The following EYS variants were observed in gnomAD, a reference collection of about 807,000 sequenced individuals.
EYS encodes the protein EGF-like photoreceptor maintenance factor.
Under a neutral mutation model 282.1 loss-of-function variants are expected in EYS, and 250 were observed. That is an observed-to-expected ratio of 0.89 (90% CI 0.80 to 0.98). The LOEUF is 0.98. Among genes scored for constraint, EYS ranks in the 50% least tolerant of loss-of-function variants. EYS has a pLI of 0.00. For missense variants in EYS, 4,016 were observed against 3,709.0 expected, an observed-to-expected ratio of 1.08 and a Z score of -2.15; for synonymous variants, 1,355 against 1,282.9, an observed-to-expected ratio of 1.06 and a Z score of -1.20.
intron 37 of EYS, among the ~76,000 whole-genome samples, chr6:63,799,968 C>T (rs1770744589): frequency 6.6e-6 from 1 of 152,174 alleles, no homozygotes; most frequent in South Asian, 2.1e-4. Flanking sequence ...GTTGTTTATG[C>T]ACTGTTGGAG....
chr6:64,758,016 T>C (rs781126929), intron 22 of EYS, among the ~76,000 whole-genome samples: 3 of 152,116 alleles, frequency 2.0e-5, no homozygotes, highest in Non-Finnish European at 4.4e-5. Flanking sequence ...CCTCCTGATC[T>C]GCCCGCCTCG....
chr6:64,230,841 G>A lies in EYS; in HGVS notation c.6192-17C>T. ...CCCTGGGATCTGTGATTTATAAACA[G>A]ACAAGAAAACAAAATATAAGTAAAA... On this transcript the variant is annotated splice_polypyrimidine_tract_variant and intron_variant, in intron 30 of 42. Coordinates refer to ENST00000503581, the MANE Select transcript of EYS (RefSeq NM_001142800.2). 2.1e-6 allele frequency: 3 copies of A among 1,448,060 alleles called. No homozygotes were observed. The highest frequency in any genetic ancestry group is 2.8e-6 in the Non-Finnish European group (3 of 1,065,748). 89.7% of individuals were successfully genotyped at this position (1,448,060 alleles called of 1,614,324 possible).
intron 26 of EYS, among the ~76,000 whole-genome samples, chr6:64,507,722 G>T (rs1422379538): frequency 6.7e-6 from 1 of 150,198 alleles, no homozygotes; most frequent in Non-Finnish European, 1.5e-5. Flanking sequence ...GAGGGAGGAA[G>T]AGATCCCACT....
At chr6:63,861,245 G>C (rs1456941059) in intron 36 of EYS, among the ~76,000 whole-genome samples, 4 of 152,258 alleles carry the variant, frequency 2.6e-5, no homozygotes, top group Non-Finnish European at 4.4e-5. Flanking sequence ...TTCAGACAAA[G>C]AAAACCTGAT....
chr6:65,450,526 T>C (rs1490714809), intron 5 of EYS, among the ~76,000 whole-genome samples: 1 of 152,160 alleles, frequency 6.6e-6, no homozygotes, highest in African/African-American at 2.4e-5. Flanking sequence ...GAAACTTAGC[T>C]GACCCAGTGA....
intron 5 of EYS, chr6:65,490,337 A>C (rs1224659995): frequency 3.4e-6 from 1 of 296,926 alleles, no homozygotes; most frequent in Non-Finnish European, 6.3e-6. Context: ...CTGAAGAAAG[A>C]TGTAAGTAAT....
chr6:64,410,521 A>G (rs1773854812), intron 28 of EYS, among the ~76,000 whole-genome samples: 1 of 152,166 alleles, frequency 6.6e-6, no homozygotes, highest in African/African-American at 2.4e-5. Context: ...AGACAATCTT[A>G]GTTGGATTTA....
chr6:64,216,914 T>C (rs1366146482), intron 31 of EYS, among the ~76,000 whole-genome samples: 2 of 152,158 alleles, frequency 1.3e-5, no homozygotes, highest in African/African-American at 4.8e-5. Flanking sequence ...ACATAACTAA[T>C]TGAGAATTGG....
intron 30 of EYS, among the ~76,000 whole-genome samples, chr6:64,242,372 T>C (rs1193002824): frequency 6.6e-6 from 1 of 152,198 alleles, no homozygotes; most frequent in Non-Finnish European, 1.5e-5. Context: ...TTTCTGCATT[T>C]AAACCAAATC....
intron 26 of EYS, among the ~76,000 whole-genome samples, chr6:64,443,607 TG>T (rs1419282348): frequency 6.6e-6 from 1 of 152,190 alleles, no homozygotes; most frequent in Non-Finnish European, 1.5e-5. Flanking sequence ...GATTGAATCA[TG>T]GGGACAGGTC....
chr6:65,027,352 T>A (rs540885557), intron 13 of EYS, among the ~76,000 whole-genome samples: 1 of 152,296 alleles, frequency 6.6e-6, no homozygotes, highest in South Asian at 2.1e-4. Flanking sequence ...TCATTAGAAG[T>A]TTTTGTGACA....
chr6:64,619,144 T>C (rs1767367255), intron 23 of EYS, among the ~76,000 whole-genome samples: 1 of 152,216 alleles, frequency 6.6e-6, no homozygotes, highest in Non-Finnish European at 1.5e-5. Flanking sequence ...ATATTCTATT[T>C]CTCAGAACAC....
chr6:64,836,900 A>G (rs1765398951), intron 19 of EYS, among the ~76,000 whole-genome samples: 1 of 151,708 alleles, frequency 6.6e-6, no homozygotes, highest in East Asian at 1.9e-4. Context: ...AGACATTGGA[A>G]AATATATAAA....
chr6:65,515,806 G>C (rs1388744716), intron 2 of EYS, among the ~76,000 whole-genome samples: 1 of 108,226 alleles, frequency 9.2e-6, no homozygotes, highest in Non-Finnish European at 1.8e-5. Flanking sequence ...TGGGGGGAGG[G>C]GGGAGGGATA....
At chr6:65,027,322 C>A (rs1222082435) in intron 13 of EYS, among the ~76,000 whole-genome samples, 1 of 152,102 alleles carries the variant, frequency 6.6e-6, no homozygotes, top group East Asian at 1.9e-4. Context: ...TTCTAATAAA[C>A]TTTTCTAATA....
intron 1 of EYS, among the ~76,000 whole-genome samples, chr6:65,664,826 T>C (rs2149828329): frequency 6.6e-6 from 1 of 152,336 alleles, no homozygotes; most frequent in Non-Finnish European, 1.5e-5. Context: ...CTAAGGTATC[T>C]GATCACCATA....
At chr6:64,155,727 C>T (rs1774893800) in intron 31 of EYS, among the ~76,000 whole-genome samples, 1 of 151,904 alleles carries the variant, frequency 6.6e-6, no homozygotes, top group Non-Finnish European at 1.5e-5. Context: ...AACATCTGAT[C>T]GTTTATTTAA....
intron 35 of EYS, among the ~76,000 whole-genome samples, chr6:63,877,049 G>T (rs980833577): frequency 1.3e-5 from 2 of 152,166 alleles, no homozygotes; most frequent in Admixed American, 6.5e-5. Flanking sequence ...AGTTGATGCA[G>T]TTTCTTCCTA....
chr6:64,714,380 G>T (rs1771306242), intron 22 of EYS, among the ~76,000 whole-genome samples: 1 of 152,128 alleles, frequency 6.6e-6, no homozygotes, highest in African/African-American at 2.4e-5. Flanking sequence ...ACTCAGTCAT[G>T]GCTTTAGCAG....
Sources: allele counts gnomAD v4.1 joint callset (sites outside exome capture counted in the v4.1 genomes callset), GRCh38; gene constraint gnomAD v4.1.1; transcripts MANE v1.5; gene names NCBI Gene and HGNC (gene_info 2026-07-23, HGNC 2026-07-21).